GRM7: variants seen among roughly 807,000 people sequenced by gnomAD.
GRM7 encodes the protein metabotropic glutamate receptor 7.
In GRM7, 35 loss-of-function variants were observed where a neutral mutation model predicts 84.5. That is an observed-to-expected ratio of 0.41 (90% CI 0.32 to 0.55). The LOEUF is 0.55. Among genes scored for constraint, GRM7 ranks in the 20% least tolerant of loss-of-function variants. GRM7 has a pLI of 0.19. For synonymous variants in GRM7, 487 were observed against 455.1 expected (o/e 1.07, Z -0.89); for missense variants, 1,003 against 1,194.6 (o/e 0.84, Z 2.36).
intron 1 of GRM7, among the ~76,000 whole-genome samples, chr3:6,875,031 C>T (rs1412242790): frequency 2.0e-5 from 3 of 152,102 alleles, no homozygotes; most frequent in Non-Finnish European, 2.9e-5. Context: ...TAGAATTATC[C>T]TCTATAGCAT....
chr3:7,296,665 T>C (rs1365082578), intron 2 of GRM7, among the ~76,000 whole-genome samples: 1 of 152,124 alleles, frequency 6.6e-6, no homozygotes. Context: ...TGTAGAGTTA[T>C]CACTAATATC....
chr3:7,468,955 G>A (rs1037189405), intron 7 of GRM7, among the ~76,000 whole-genome samples: 18 of 152,148 alleles, frequency 1.2e-4, no homozygotes, highest in African/African-American at 4.1e-4. Context: ...TTAGAGCAGT[G>A]TGAAAACAGA....
intron 4 of GRM7, among the ~76,000 whole-genome samples, chr3:7,336,747 G>C (rs189435420): frequency 2.0e-5 from 3 of 151,398 alleles, no homozygotes; most frequent in Non-Finnish European, 4.4e-5. Context: ...TATACACCAA[G>C]AGCGACCAAG....
In GRM7 at chr3:6,861,350, C is replaced by A; in HGVS notation, c.-39C>A. 2 of 1,472,478 alleles carry A rather than the reference C, an allele frequency of 1.4e-6. No individual in the cohort carries two copies. Among genetic ancestry groups the A allele is most frequent in the Non-Finnish European group, 1.8e-6 (2 of 1,122,736 alleles). The allele number at this position is 1,472,478 out of a possible 1,614,324, so 91.2% of individuals were successfully genotyped here. ...ACCTCGGCGAGCCCACCACCGTTCC[C>A]TCCAGCGCCGCCGCCGCCACCGCAG... On this transcript the variant is annotated 5_prime_UTR_variant, in exon 1 of 10. Transcript: ENST00000357716. This position sits in a 1 kb window ranked among gnomAD's most constrained non-coding sequence, Gnocchi z 6.4.
At chr3:7,317,925 T>G (rs9822154) in intron 4 of GRM7, among the ~76,000 whole-genome samples, 15,237 of 152,084 alleles carry the variant, frequency 0.1, 2,029 homozygotes, top group African/African-American at 0.3. Flanking sequence ...AATACCTCTC[T>G]ATTTTATTCA....
chr3:7,421,916 T>TAAAA (rs773501237), intron 5 of GRM7, among the ~76,000 whole-genome samples: 4 of 78,808 alleles, frequency 5.1e-5, no homozygotes, highest in East Asian at 3.2e-4. Flanking sequence ...CTACAAACAG[T>TAAAA]AAAAAAAAAA....
chr3:7,399,518 G>A (rs1010514875), intron 4 of GRM7, among the ~76,000 whole-genome samples: 2 of 152,120 alleles, frequency 1.3e-5, no homozygotes, highest in South Asian at 2.1e-4. Context: ...CTGTGAAATG[G>A]GGATAAGGTA....
chr3:7,483,428 C>T (rs574138419), intron 7 of GRM7, among the ~76,000 whole-genome samples: 1 of 152,044 alleles, frequency 6.6e-6, no homozygotes, highest in African/African-American at 2.4e-5. Context: ...CAGAAAGCAA[C>T]AGAGGAGCAG....
In GRM7 at chr3:7,103,749, C is replaced by CCTTTCTTTCTTTCTTTCTCTCT. The variant is rs1263451991; in HGVS notation, c.520-42685_520-42684insCTCTCTTTCTTTCTTTCTTTCT. Among the ~76,000 whole-genome samples the CCTTTCTTTCTTTCTTTCTCTCT allele has an allele frequency of 7.2e-5, 7 of 96,662 alleles. 1 individual carries two copies. The highest frequency in any genetic ancestry group is 3.7e-4 in the African/African-American group (7 of 19,006). The allele number at this position is 96,662 out of a possible 152,430, so 63.4% of individuals were successfully genotyped here. A position where few individuals can be genotyped will look rare whatever the true frequency, so the allele number is the denominator to read the frequency against. On this transcript the variant is annotated intron_variant, in intron 1 of 9. Transcript: ENST00000357716. ...CTCTCTTTTTCTCTTTCTCTCTCTC[C>CCTTTCTTTCTTTCTTTCTCTCT]CTTTCTTTCTTTCTTTCTTTCTTTC...
intron 4 of GRM7, among the ~76,000 whole-genome samples, chr3:7,366,122 C>G (rs1028929008): frequency 1.3e-5 from 2 of 151,686 alleles, no homozygotes; most frequent in Admixed American, 1.3e-4. Context: ...TAACTTTATG[C>G]AGAGATCTCC....
intron 2 of GRM7, among the ~76,000 whole-genome samples, chr3:7,286,850 A>G (rs984994910): frequency 6.6e-6 from 1 of 152,176 alleles, no homozygotes; most frequent in Admixed American, 6.6e-5. Flanking sequence ...TTTCATGTCT[A>G]TTATCAAAAC....
intron 1 of GRM7, among the ~76,000 whole-genome samples, chr3:7,113,474 T>A (rs1692928294): frequency 6.6e-6 from 1 of 152,138 alleles, no homozygotes; most frequent in Non-Finnish European, 1.5e-5. Flanking sequence ...GGTCTCCAAC[T>A]CCAAGGCTCA....
In GRM7 at chr3:7,562,718, T is replaced by C. The variant is rs1313686187; in HGVS notation, c.1516-15704T>C. On this transcript the variant is annotated intron_variant, in intron 7 of 9. Coordinates refer to ENST00000357716, the MANE Select transcript of GRM7 (RefSeq NM_000844.4). The stretch of plus-strand genomic sequence containing the variant: ...TTACAGGAAAAAAAAGAATGGTTTG[T>C]TCTATACTCAAATGGATTAGAAAGC... 2.0e-5 allele frequency among the ~76,000 whole-genome samples: 3 copies of C among 152,162 alleles called. No individual in the cohort carries two copies. In the South Asian group the frequency reaches 6.2e-4, roughly 31 times the overall value.
At chr3:7,221,454 T>C (rs1204329996) in intron 2 of GRM7, among the ~76,000 whole-genome samples, 1 of 152,124 alleles carries the variant, frequency 6.6e-6, no homozygotes, top group Non-Finnish European at 1.5e-5. Context: ...ATGCAGCACA[T>C]AGTTTTCTAC....
At chr3:6,998,382 C>A (rs955518929) in intron 1 of GRM7, among the ~76,000 whole-genome samples, 4 of 152,016 alleles carry the variant, frequency 2.6e-5, no homozygotes. Context: ...AGGGTACAGT[C>A]CCCCCCAAAG....
Position 7,691,259 on chromosome 3 carries a change from C to T in GRM7, c.2698+10964C>T, listed in dbSNP as rs374209060. The T allele has an allele frequency of 1.1e-5, 14 of 1,287,602 alleles. No homozygotes were observed. The African/African-American group carries it at 1.8e-4, about 17-fold the overall frequency. 79.8% of individuals were successfully genotyped at this position (1,287,602 alleles called of 1,614,324 possible). On this transcript the variant is annotated intron_variant, in intron 9 of 9. Coordinates refer to ENST00000357716, the MANE Select transcript of GRM7 (RefSeq NM_000844.4). The stretch of plus-strand genomic sequence containing the variant: ...ACAAAGAGGATTGAGATAACATTTC[C>T]AAAGCTTGTTCTTCTTGAGCTGACC...
chr3:7,207,984 C>A (rs1198021313), intron 2 of GRM7, among the ~76,000 whole-genome samples: 4 of 152,090 alleles, frequency 2.6e-5, no homozygotes, highest in Non-Finnish European at 5.9e-5. Flanking sequence ...TTAAATAGAT[C>A]ATTTAGAGAT....
chr3:7,138,027 T>A (rs1693825196), intron 1 of GRM7, among the ~76,000 whole-genome samples: 1 of 152,062 alleles, frequency 6.6e-6, no homozygotes, highest in South Asian at 2.1e-4. Context: ...ATAATATCTA[T>A]GTAGTGGTAG....
At chr3:7,070,502 G>A (rs1199053508) in intron 1 of GRM7, among the ~76,000 whole-genome samples, 1 of 152,024 alleles carries the variant, frequency 6.6e-6, no homozygotes, top group East Asian at 1.9e-4. Context: ...ACGGGTAATG[G>A]CAGTTTTCAA....
Sources: allele counts gnomAD v4.1 joint callset (sites outside exome capture counted in the v4.1 genomes callset), GRCh38; gene constraint gnomAD v4.1.1; non-coding constraint Gnocchi (gnomAD v3.1); transcripts MANE v1.5; gene names NCBI Gene and HGNC (gene_info 2026-07-23, HGNC 2026-07-21).